POU2F1: variants seen among roughly 807,000 people sequenced by gnomAD.
POU2F1 encodes POU domain, class 2, transcription factor 1.
In POU2F1, 16 loss-of-function variants were observed where a neutral mutation model predicts 84.9. That is an observed-to-expected ratio of 0.19 (90% CI 0.13 to 0.29). The LOEUF is 0.29. Among genes scored for constraint, POU2F1 ranks in the 10% least tolerant of loss-of-function variants. The probability of loss-of-function intolerance (pLI) is 1.00; values close to 1 mark genes in which losing one functional copy is unlikely to be tolerated. For missense variants in POU2F1, 738 were observed against 942.6 expected (o/e 0.78, Z 2.84); for synonymous variants, 368 against 368.3 (o/e 1.00, Z 0.01).
At chr1:167,415,455 T>C (rs1163327350) in intron 15 of POU2F1, 45 bp from the exon 16 acceptor site, 2 of 1,579,344 alleles carry the variant, frequency 1.3e-6, no homozygotes, top group Non-Finnish European at 1.7e-6. Flanking sequence ...CAGGATGATG[T>C]TAATGTTTTC....
In POU2F1 at chr1:167,426,715, G is replaced by A. The variant is rs1456239802; in HGVS notation, c.*10905G>A. The A allele has an allele frequency of 6.6e-6, 1 of 152,162 alleles. No individual in the cohort carries two copies. Among genetic ancestry groups the A allele is most frequent in the African/African-American group, 2.4e-5 (1 of 41,430 alleles). The allele number at this position is 152,162 out of a possible 1,614,324, so 9.4% of individuals were successfully genotyped here. ...GGCCTCCTAGAACTTTTTGTTTTAT[G>A]TACTTTAAAATGTGAGTTTGAGTTC... On this transcript the variant is annotated 3_prime_UTR_variant, in exon 16 of 16. Transcript: ENST00000367866.
rs76144538 is a variant in POU2F1 at position 167,366,804 on chromosome 1, T to C, written c.228+1237T>C. On this transcript the variant is annotated intron_variant, in intron 3 of 15. Transcript: ENST00000367866. ...TGTTGATTTTTTTTCTAAGAACATA[T>C]TCAAGCCTCCAGTAATTTTTCTGGG... Among the ~76,000 whole-genome samples, 474 of 152,272 alleles carry C rather than the reference T, an allele frequency of 3.1e-3. 5 individuals are homozygous for C. The highest frequency in any genetic ancestry group is 0.011 in the African/African-American group (439 of 41,564).
rs1650427712 is a variant in POU2F1, at chr1:167,418,163, TAG to T, written c.*2355_*2356del. ...GTGCAGTTCAGACACATCGAGGAGA[TAG>T]ATGCTACTGACAATTTCTTTTTCAT... On this transcript the variant is annotated 3_prime_UTR_variant, in exon 16 of 16. Transcript: ENST00000367866. 1.3e-5 allele frequency: 2 copies of T among 152,254 alleles called. No homozygotes were observed. Among genetic ancestry groups the T allele is most frequent in the Non-Finnish European group, 2.9e-5 (2 of 68,042 alleles). The allele number at this position is 152,254 out of a possible 1,614,324, so 9.4% of individuals were successfully genotyped here.
intron 1 of POU2F1, among the ~76,000 whole-genome samples, chr1:167,276,040 T>A (rs991945656): frequency 2.0e-5 from 3 of 152,254 alleles, no homozygotes; most frequent in Non-Finnish European, 4.4e-5. Flanking sequence ...TCCCCCTTTA[T>A]CTGCTGTTTC....
Position 167,413,015 on chromosome 1 carries a change from T to C in POU2F1, c.1902-11T>C, listed in dbSNP as rs1313934628. On this transcript the variant is annotated splice_polypyrimidine_tract_variant and intron_variant, in intron 14 of 15. Transcript: ENST00000367866. Reference sequence around the variant, plus strand: ...CATGGTAATAAAGTGACTCCTCTTTTGGACTTGCAGAGGTGCCTTACTCAG... The same window carrying C: ...CATGGTAATAAAGTGACTCCTCTTTCGGACTTGCAGAGGTGCCTTACTCAG... The C allele has an allele frequency of 1.2e-6, 2 of 1,610,688 alleles. No homozygotes were observed. Among genetic ancestry groups the C allele is most frequent in the South Asian group, 1.1e-5 (1 of 90,968 alleles).
chr1:167,268,105 A>G (rs183810029), intron 1 of POU2F1, among the ~76,000 whole-genome samples: 1 of 152,246 alleles, frequency 6.6e-6, no homozygotes, highest in Admixed American at 6.5e-5. Context: ...TTCTGCTTGT[A>G]GAATGTTATC....
chr1:167,320,597 T>C (rs1656239776), intron 1 of POU2F1, among the ~76,000 whole-genome samples: 2 of 152,196 alleles, frequency 1.3e-5, no homozygotes, highest in African/African-American at 4.8e-5. Flanking sequence ...ATCTTAGTTC[T>C]CCCATTTCCT....
chr1:167,325,961 A>G (rs1656680016), intron 1 of POU2F1, among the ~76,000 whole-genome samples: 2 of 151,672 alleles, frequency 1.3e-5, no homozygotes, highest in Admixed American at 1.3e-4. Context: ...CCTCTTTTAG[A>G]AAATAAAAAA....
At chr1:167,361,578 AT>A (rs1018351743) in intron 2 of POU2F1, among the ~76,000 whole-genome samples, 8 of 152,092 alleles carry the variant, frequency 5.3e-5, no homozygotes, top group Non-Finnish European at 1.0e-4. Context: ...GATTACTAAT[AT>A]TTTTTGAGGA....
intron 1 of POU2F1, among the ~76,000 whole-genome samples, chr1:167,313,877 A>G (rs1655675349): frequency 6.6e-6 from 1 of 152,226 alleles, no homozygotes; most frequent in South Asian, 2.1e-4. Context: ...AAGAACTTTC[A>G]AAATTCAACC....
intron 1 of POU2F1, among the ~76,000 whole-genome samples, chr1:167,288,663 G>T (rs1396279456): frequency 6.6e-6 from 1 of 152,068 alleles, no homozygotes; most frequent in Admixed American, 6.5e-5. Context: ...CTCCAGCCTG[G>T]GTGACAGAAT....
At position 167,425,104 on chromosome 1, in the gene POU2F1, C is replaced by T. The variant is rs1000329761; in HGVS notation, c.*9294C>T. Reference sequence around the variant, plus strand: ...CCAATGGGCTCTCTAGAAGCTGCATCCCCAGCCCTTTCACCTTTTCTTTGA... The same window carrying T: ...CCAATGGGCTCTCTAGAAGCTGCATTCCCAGCCCTTTCACCTTTTCTTTGA... On this transcript the variant is annotated 3_prime_UTR_variant, in exon 16 of 16. Transcript: ENST00000367866. The T allele has an allele frequency of 2.0e-5, 3 of 152,062 alleles. No individual in the cohort carries two copies. The highest frequency in any genetic ancestry group is 4.4e-5 in the Non-Finnish European group (3 of 68,026). 9.4% of individuals were successfully genotyped at this position (152,062 alleles called of 1,614,324 possible).
chr1:167,232,468 A>G (rs1394995669), intron 1 of POU2F1, among the ~76,000 whole-genome samples: 1 of 152,252 alleles, frequency 6.6e-6, no homozygotes, highest in Non-Finnish European at 1.5e-5. Flanking sequence ...GGATATAAAG[A>G]AAAATTTTTT....
intron 1 of POU2F1, among the ~76,000 whole-genome samples, chr1:167,305,230 C>T (rs1244783135): frequency 6.8e-6 from 1 of 146,934 alleles, no homozygotes; most frequent in Non-Finnish European, 1.5e-5. Context: ...CTCTGTTGCC[C>T]AGGCTGGAGT....
chr1:167,310,241 G>C (rs1243556027), intron 1 of POU2F1, among the ~76,000 whole-genome samples: 2 of 151,988 alleles, frequency 1.3e-5, no homozygotes, highest in Non-Finnish European at 2.9e-5. Context: ...ACCAGGAAAG[G>C]GGGGAAGGGA....
intron 2 of POU2F1, among the ~76,000 whole-genome samples, chr1:167,333,999 A>C (rs1002434263): frequency 1.7e-5 from 2 of 120,098 alleles, no homozygotes; most frequent in African/African-American, 2.5e-5. Context: ...GAAGAAACAT[A>C]CTTTTTTTTT....
chr1:167,360,280 A>G (rs770722093), intron 2 of POU2F1, among the ~76,000 whole-genome samples: 38 of 152,290 alleles, frequency 2.5e-4, no homozygotes, highest in Middle Eastern at 3.4e-3. Context: ...GCTTAGGCCA[A>G]TGTTTACAAG....
At chr1:167,231,319 C>T (rs955722712) in intron 1 of POU2F1, among the ~76,000 whole-genome samples, 1 of 151,886 alleles carries the variant, frequency 6.6e-6, no homozygotes, top group African/African-American at 2.4e-5. Context: ...TTTATCAGTT[C>T]GGCTTTCATC....
At chr1:167,331,611 T>C (rs1657089295) in intron 1 of POU2F1, among the ~76,000 whole-genome samples, 2 of 152,068 alleles carry the variant, frequency 1.3e-5, no homozygotes, top group Non-Finnish European at 1.5e-5. Flanking sequence ...TATATTCCGT[T>C]TCTTACCCTT....
Sources: allele counts gnomAD v4.1 joint callset (sites outside exome capture counted in the v4.1 genomes callset), GRCh38; gene constraint gnomAD v4.1.1; transcripts MANE v1.5; gene names NCBI Gene and HGNC (gene_info 2026-07-23, HGNC 2026-07-21).